Variants in CNTN5 observed in about 807,000 individuals in gnomAD.
The protein encoded by CNTN5 is contactin-5.
A neutral mutation model predicts 129.1 loss-of-function variants in CNTN5; 77 were observed. The observed-to-expected ratio is 0.60, with a 90% CI of 0.50 to 0.72. The LOEUF (loss-of-function observed/expected upper bound fraction) is 0.72. CNTN5 is among the 30% of genes least tolerant of loss of function. The probability of loss-of-function intolerance (pLI) is 0.00; values close to 1 mark genes in which losing one functional copy is unlikely to be tolerated. For missense variants in CNTN5, 1,478 were observed against 1,328.8 expected (o/e 1.11, Z -1.75); for synonymous variants, 509 against 465.6 (o/e 1.09, Z -1.20).
chr11:99,296,958 C>T (rs1047818990), intron 1 of CNTN5, among the ~76,000 whole-genome samples: 2 of 152,132 alleles, frequency 1.3e-5, no homozygotes, highest in African/African-American at 4.8e-5. Context: ...GAAGGGCTTA[C>T]TTCCTAGGTG....
chr11:100,300,535 T>G (rs1951195739), intron 20 of CNTN5, among the ~76,000 whole-genome samples: 1 of 151,592 alleles, frequency 6.6e-6, no homozygotes, highest in Non-Finnish European at 1.5e-5. Context: ...AAGAGTATTA[T>G]TCATAATTAA....
intron 16 of CNTN5, among the ~76,000 whole-genome samples, chr11:100,238,597 A>C (rs1949675354): frequency 6.6e-6 from 1 of 151,910 alleles, no homozygotes; most frequent in African/African-American, 2.4e-5. Flanking sequence ...AAGAAGAAGA[A>C]GAAGAGGGGA....
chr11:99,721,887 C>G (rs1565460902), intron 3 of CNTN5, among the ~76,000 whole-genome samples: 1 of 152,098 alleles, frequency 6.6e-6, no homozygotes, highest in Non-Finnish European at 1.5e-5. Context: ...TGGAAAAAAG[C>G]TCAATGTCAC....
intron 2 of CNTN5, among the ~76,000 whole-genome samples, chr11:99,453,010 T>A (rs1253410362): frequency 6.6e-6 from 1 of 152,218 alleles, no homozygotes; most frequent in Non-Finnish European, 1.5e-5. Flanking sequence ...TGGCAGCACC[T>A]GGGTTCAAAA....
chr11:99,547,284 G>A (rs1383035975), intron 2 of CNTN5, among the ~76,000 whole-genome samples: 1 of 152,120 alleles, frequency 6.6e-6, no homozygotes, highest in Non-Finnish European at 1.5e-5. Flanking sequence ...GATTACAGGC[G>A]TGAGCCACCG....
At chr11:100,295,997 A>G (rs1426713334) in intron 18 of CNTN5, among the ~76,000 whole-genome samples, 1 of 151,584 alleles carries the variant, frequency 6.6e-6, no homozygotes, top group Non-Finnish European at 1.5e-5. Flanking sequence ...CTAAATTATT[A>G]ATATATTTTA....
At chr11:99,972,089 A>T (rs1232583984) in intron 8 of CNTN5, among the ~76,000 whole-genome samples, 68 of 57,710 alleles carry the variant, frequency 1.2e-3, no homozygotes, top group African/African-American at 4.4e-3. Flanking sequence ...CTCTATTAAA[A>T]AAAAAAAAAA....
chr11:100,158,640 G>A (rs1047228809), intron 13 of CNTN5, among the ~76,000 whole-genome samples: 2 of 151,786 alleles, frequency 1.3e-5, no homozygotes, highest in Non-Finnish European at 2.9e-5. Flanking sequence ...AATACATTGT[G>A]TGATAGCCTT....
rs1491151565 is a variant in CNTN5, at chr11:99,382,875, T to TTA, written c.-71+57391_-71+57392insTA. ...TTTTTTTTTTTTTTTTTTTTTTTTT[T>TTA]AGACAGAGTCTCGCTCTGTCTCCCA... On this transcript the variant is annotated intron_variant, in intron 2 of 24. Coordinates refer to ENST00000524871, the MANE Select transcript of CNTN5 (RefSeq NM_014361.4). Among the ~76,000 whole-genome samples, 2 of 142,464 alleles carry TTA rather than the reference T, an allele frequency of 1.4e-5. 1 individual carries two copies. Among genetic ancestry groups the TTA allele is most frequent in the East Asian group, 4.2e-4 (2 of 4,814 alleles). 93.5% of individuals were successfully genotyped at this position (142,464 alleles called of 152,430 possible). A position where few individuals can be genotyped will look rare whatever the true frequency, so the allele number is the denominator to read the frequency against.
chr11:99,120,364 T>C (rs1267345893), intron 1 of CNTN5: 1 of 152,192 alleles, frequency 6.6e-6, no homozygotes. Flanking sequence ...GGAGGACCAG[T>C]CTTCAATAAA....
chr11:100,141,244 T>G (rs1946690045), intron 13 of CNTN5, among the ~76,000 whole-genome samples: 1 of 152,048 alleles, frequency 6.6e-6, no homozygotes, highest in South Asian at 2.1e-4. Context: ...CTTGGGAGTC[T>G]TGCAGTTATT....
chr11:99,547,011 T>TC (rs1290326366), intron 2 of CNTN5, among the ~76,000 whole-genome samples: 1 of 150,680 alleles, frequency 6.6e-6, no homozygotes, highest in Non-Finnish European at 1.5e-5. Flanking sequence ...TTCTTTTTTT[T>TC]TTTTTTTTTG....
intron 3 of CNTN5, among the ~76,000 whole-genome samples, chr11:99,702,798 T>A (rs921517157): frequency 6.6e-6 from 1 of 150,904 alleles, no homozygotes; most frequent in African/African-American, 2.4e-5. Flanking sequence ...TATTCAGTGT[T>A]GAAATATTGG....
intron 1 of CNTN5, among the ~76,000 whole-genome samples, chr11:99,308,959 A>G (rs1864987426): frequency 6.6e-6 from 1 of 152,072 alleles, no homozygotes; most frequent in South Asian, 2.1e-4. Context: ...CTAATACTGT[A>G]TTTTATTCCT....
At chr11:99,509,493 G>T (rs1395606140) in intron 2 of CNTN5, among the ~76,000 whole-genome samples, 1 of 152,072 alleles carries the variant, frequency 6.6e-6, no homozygotes, top group African/African-American at 2.4e-5. Flanking sequence ...GGTTAAACTG[G>T]CAAAGAGAAA....
In CNTN5 at chr11:100,346,423, C is replaced by G. The variant is rs1480060640; in HGVS notation, c.3031-4279C>G. Among the ~76,000 whole-genome samples the G allele has an allele frequency of 3.9e-5, 6 of 152,214 alleles. No homozygotes were observed. The East Asian group carries it at 1.2e-3, about 30-fold the overall frequency. On this transcript the variant is annotated intron_variant, in intron 23 of 24. Coordinates refer to ENST00000524871, the MANE Select transcript of CNTN5 (RefSeq NM_014361.4). ...AGTAAAAACAACCATTTTATCTCCACCTTATTTTCTTCACACAGACTTATG... is the reference window on the plus strand; with the variant it reads ...AGTAAAAACAACCATTTTATCTCCAGCTTATTTTCTTCACACAGACTTATG...
chr11:100,238,733 A>T (rs1354907285), intron 16 of CNTN5, among the ~76,000 whole-genome samples: 1 of 152,212 alleles, frequency 6.6e-6, no homozygotes, highest in Admixed American at 6.5e-5. Flanking sequence ...CATGTCCCTT[A>T]TCTTTAAGAT....
chr11:100,153,223 T>C (rs1369689122), intron 13 of CNTN5, among the ~76,000 whole-genome samples: 1 of 152,092 alleles, frequency 6.6e-6, no homozygotes, highest in Non-Finnish European at 1.5e-5. Context: ...TGTCACAGGA[T>C]TGCATCATTA....
At chr11:99,592,869 C>A (rs1203291306) in intron 3 of CNTN5, among the ~76,000 whole-genome samples, 3 of 151,992 alleles carry the variant, frequency 2.0e-5, no homozygotes, top group Non-Finnish European at 4.4e-5. Flanking sequence ...GTGGGTTGGA[C>A]AAGCATGGTA....
Sources: gnomAD v4.1 joint callset for allele counts (sites outside exome capture counted in the v4.1 genomes callset) on GRCh38, gnomAD v4.1.1 for gene constraint, MANE v1.5 for transcripts, NCBI Gene and HGNC (gene_info 2026-07-23, HGNC 2026-07-21) for gene names.